The following IL36B variants were observed in gnomAD, a reference collection of about 807,000 sequenced individuals.
IL36B encodes the protein interleukin-36 beta.
Under a neutral mutation model 19.3 loss-of-function variants are expected in IL36B, and 23 were observed. That is an observed-to-expected ratio of 1.19 (90% CI 0.86 to 1.69). IL36B has a LOEUF of 1.69. Ranked by LOEUF, IL36B falls within the 40% of genes most tolerant of loss-of-function variation. The pLI is 0.00. For synonymous variants in IL36B, 59 were observed against 59.7 expected (o/e 0.99, Z 0.05); for missense variants, 217 against 200.5 (o/e 1.08, Z -0.50).
chr2:113,022,845 TA>T, intron 5 of IL36B: 1 of 1,077,642 alleles, frequency 9.3e-7, no homozygotes, highest in Non-Finnish European at 1.4e-6. Flanking sequence ...ACCAATTGAA[TA>T]GGGGCTAAAA....
chr2:113,029,788 C>T (rs183252601), intron 3 of IL36B, among the ~76,000 whole-genome samples: 9 of 152,180 alleles, frequency 5.9e-5, no homozygotes, highest in African/African-American at 1.9e-4. Context: ...TGCAAAAGAT[C>T]AGCTCATTAC....
In IL36B at chr2:113,028,889, TAGA is replaced by T. The variant is rs770080871; in HGVS notation, c.261+47_261+49del. ...TTATTCAGTAACATAGTAAATGAAA[TAGA>T]AAGTCCATATGACAGTACTTCTCTC... On this transcript the variant is annotated intron_variant, in intron 4 of 5. Coordinates refer to ENST00000259213, the MANE Select transcript of IL36B (RefSeq NM_014438.5). 1.3e-5 allele frequency: 20 copies of T among 1,568,634 alleles called. No individual in the cohort carries two copies. The African/African-American group carries it at 2.0e-4, about 16-fold the overall frequency.
At chr2:113,027,747 T>G in intron 4 of IL36B, 4 of 1,444,610 alleles carry the variant, frequency 2.8e-6, no homozygotes, top group African/African-American at 1.4e-5. Flanking sequence ...CAGAAATGGA[T>G]GTTTGGAGGA....
At chr2:113,029,169 C>G in intron 3 of IL36B, 91 bp from the exon 4 acceptor site, 1 of 1,335,434 alleles carries the variant, frequency 7.5e-7, no homozygotes, top group South Asian at 1.4e-5. Flanking sequence ...GTGACAGGCT[C>G]CTCCCATTAG....
intron 1 of IL36B, among the ~76,000 whole-genome samples, chr2:113,036,818 G>A (rs530802092): frequency 4.0e-4 from 61 of 152,338 alleles, no homozygotes; most frequent in Middle Eastern, 6.8e-3. Context: ...CGGAGGCCCA[G>A]CCTTGGTGAT....
intron 1 of IL36B, among the ~76,000 whole-genome samples, chr2:113,042,366 T>C (rs1338014980): frequency 1.6e-5 from 2 of 123,892 alleles, no homozygotes; most frequent in Non-Finnish European, 1.7e-5. Context: ...GCGCAAAATA[T>C]ACAATTTGAT....
intron 1 of IL36B, among the ~76,000 whole-genome samples, chr2:113,042,960 A>C (rs1010364943): frequency 2.0e-5 from 3 of 152,086 alleles, no homozygotes; most frequent in Middle Eastern, 3.2e-3. Flanking sequence ...TTTTAATTTT[A>C]GCAATAGTAA....
chr2:113,049,500 A>G (rs1336260346), intron 1 of IL36B, among the ~76,000 whole-genome samples: 1 of 152,242 alleles, frequency 6.6e-6, no homozygotes, highest in Non-Finnish European at 1.5e-5. Context: ...CATTTCTCCA[A>G]ATAATATATA....
intron 4 of IL36B, among the ~76,000 whole-genome samples, chr2:113,026,952 A>C (rs1388168416): frequency 6.6e-6 from 1 of 152,232 alleles, no homozygotes; most frequent in Non-Finnish European, 1.5e-5. Flanking sequence ...GTACAGTCAA[A>C]AATTCATGTA....
rs559221231 is a variant in IL36B, at chr2:113,028,199, G to C, written c.261+740C>G. The C allele has an allele frequency of 6.9e-5, 73 of 1,061,022 alleles. No individual in the cohort carries two copies. The East Asian group carries it at 1.6e-3, about 23-fold the overall frequency. 65.7% of individuals were successfully genotyped at this position (1,061,022 alleles called of 1,614,324 possible). On this transcript the variant is annotated intron_variant, in intron 4 of 5. Transcript: ENST00000259213. ...TCAGCTCTGAGTGTGTAACAGGAGA[G>C]GGACTGCTGCCCCCAAAGGAAGGGA...
In IL36B at chr2:113,025,243, C is replaced by A. The variant is rs572898681; in HGVS notation, c.391+860G>T. Among the ~76,000 whole-genome samples, 4 of 152,306 alleles carry A rather than the reference C, an allele frequency of 2.6e-5. No homozygotes were observed. In the East Asian group the frequency reaches 7.7e-4, roughly 29 times the overall value. ...AGGGGAAGAGGAGGAAGAATTGAGA[C>A]AGGGAAATTTCTGAGCAGCCTTTCT... On this transcript the variant is annotated intron_variant, in intron 5 of 5. Transcript: ENST00000259213.
rs76837638 is a variant in IL36B at position 113,035,739 on chromosome 2, G to A, written c.-57-3973C>T. ...AGAAACAGAAATAGATTAAGAAGAA[G>A]GCAATCCCAAGAGTCATGGAATAAT... is the stretch of plus-strand genomic sequence containing the variant. On this transcript the variant is annotated intron_variant, in intron 1 of 5. Transcript: ENST00000259213. Among the ~76,000 whole-genome samples, 45 of 152,282 alleles carry A rather than the reference G, an allele frequency of 3.0e-4. 1 individual carries two copies. The highest frequency in any genetic ancestry group is 9.9e-4 in the African/African-American group (41 of 41,574).
intron 1 of IL36B, among the ~76,000 whole-genome samples, chr2:113,034,223 C>A (rs1230264878): frequency 3.9e-5 from 6 of 152,280 alleles, no homozygotes; most frequent in South Asian, 2.1e-4. Context: ...CTGGATTCTG[C>A]TGATTTTCTT....
Position 113,031,094 on chromosome 2 carries a change from A to G in IL36B, c.75T>C (p.Ser25=). 6.2e-7 allele frequency: 1 copy of G among 1,614,058 alleles called. No homozygotes were observed. Among genetic ancestry groups the G allele is most frequent in the Non-Finnish European group, 8.5e-7 (1 of 1,179,984 alleles). The change falls in exon 3 of 6, where the codon AGT becomes AGC. Residue 25 remains serine (S), a synonymous_variant. Transcript: ENST00000259213. Reference sequence around the variant, plus strand: ...GAGGAGCTGCTATTAAAGAATTTCCACTCAGGACCCACACCATCTGTCGAG... The same window carrying G: ...GAGGAGCTGCTATTAAAGAATTTCCGCTCAGGACCCACACCATCTGTCGAG...
chr2:113,026,316 G>A, intron 4 of IL36B: 1 of 1,579,674 alleles, frequency 6.3e-7, no homozygotes, highest in Non-Finnish European at 8.6e-7. Context: ...GGCAATGACT[G>A]GAGTAAAAGG....
chr2:113,050,348 A>T (rs201251915), intron 1 of IL36B, among the ~76,000 whole-genome samples: 1 of 61,008 alleles, frequency 1.6e-5, no homozygotes, highest in African/African-American at 1.4e-4. Flanking sequence ...CTAATAACAA[A>T]AAAAAAAAAA....
intron 4 of IL36B, chr2:113,026,264 A>C (rs749642433): frequency 6.2e-7 from 1 of 1,612,480 alleles, no homozygotes; most frequent in Non-Finnish European, 8.5e-7. Context: ...TGTTGCTGAG[A>C]TAATACACTG....
Position 113,028,245 on chromosome 2 carries a change from A to G in IL36B, c.261+694T>C, listed in dbSNP as rs535191886. 4 of 714,708 alleles carry G rather than the reference A, an allele frequency of 5.6e-6. No individual in the cohort carries two copies. In the Admixed American group the frequency reaches 7.6e-5, roughly 14 times the overall value. The allele number at this position is 714,708 out of a possible 1,614,324, so 44.3% of individuals were successfully genotyped here. ...AGGGACAGAGGCTAGGGACAAAGGC[A>G]GATGAAGCAGGGCATTAGAGTGTTA... is the stretch of plus-strand genomic sequence containing the variant. On this transcript the variant is annotated intron_variant, in intron 4 of 5. Coordinates refer to ENST00000259213, the MANE Select transcript of IL36B (RefSeq NM_014438.5).
chr2:113,037,198 C>T (rs574176447), intron 1 of IL36B, among the ~76,000 whole-genome samples: 1 of 152,308 alleles, frequency 6.6e-6, no homozygotes, highest in East Asian at 1.9e-4. Context: ...TGTGTGTCCA[C>T]CTATCCATGT....
Sources: allele counts gnomAD v4.1 joint callset (sites outside exome capture counted in the v4.1 genomes callset), GRCh38; gene constraint gnomAD v4.1.1; transcripts MANE v1.5; gene names NCBI Gene and HGNC (gene_info 2026-07-23, HGNC 2026-07-21).